Variants in DCPS observed in about 807,000 individuals in gnomAD.
The protein encoded by DCPS is decapping enzyme, scavenger.
Under a neutral mutation model 34.7 loss-of-function variants are expected in DCPS, and 27 were observed. The observed-to-expected ratio is 0.78, with a 90% confidence interval of 0.57 to 1.07. The LOEUF (loss-of-function observed/expected upper bound fraction) is 1.07. Among genes scored for constraint, DCPS ranks in the 50% least tolerant of loss-of-function variants. The pLI is 0.00. For synonymous variants in DCPS, 185 were observed against 185.7 expected (o/e 1.00, Z 0.03); for missense variants, 464 against 436.9 (o/e 1.06, Z -0.55).
intron 2 of DCPS, among the ~76,000 whole-genome samples, chr11:126,317,969 C>T (rs963961846): frequency 2.0e-5 from 3 of 152,208 alleles, no homozygotes; most frequent in Non-Finnish European, 4.4e-5. Flanking sequence ...CCTGCCACCC[C>T]AGGGCTGCAT....
At chr11:126,314,838 T>C (rs571846310) in intron 2 of DCPS, among the ~76,000 whole-genome samples, 1 of 152,086 alleles carries the variant, frequency 6.6e-6, no homozygotes, top group East Asian at 1.9e-4. Flanking sequence ...GAGGAAAGGG[T>C]GGGGAGTGGT....
chr11:126,338,212 C>G lies in DCPS; in HGVS notation c.523-74C>G. ...TCTCCTGGAGAGGCCAGGGAATGCC[C>G]TGAGCTCAGTTTGGGGTATCTCTCA... On this transcript the variant is annotated intron_variant, in intron 3 of 5. Transcript: ENST00000263579. This position sits in a 1 kb window ranked among gnomAD's most constrained non-coding sequence, Gnocchi z 5.4. 20 of 1,436,172 alleles carry G rather than the reference C, an allele frequency of 1.4e-5. No individual in the cohort carries two copies. The highest frequency in any genetic ancestry group is 5.3e-5 in the Admixed American group (3 of 56,136). 89.0% of individuals were successfully genotyped at this position (1,436,172 alleles called of 1,614,324 possible). A position where few individuals can be genotyped will look rare whatever the true frequency, so the allele number is the denominator to read the frequency against.
rs2135322390 is a variant in DCPS at position 126,325,890 on chromosome 11, T to G, written c.377-5515T>G. ...ATCCCAGCACTTTGGGAGGCTGAGG[T>G]GGGCGGATTACGAGATCAGGAAATC... On this transcript the variant is annotated intron_variant, in intron 2 of 5. Transcript: ENST00000263579. This position sits in a 1 kb window ranked among gnomAD's most constrained non-coding sequence, Gnocchi z 4.3. 6.6e-6 allele frequency among the ~76,000 whole-genome samples: 1 copy of G among 151,864 alleles called. No homozygotes were observed. Among genetic ancestry groups the G allele is most frequent in the East Asian group, 1.9e-4 (1 of 5,150 alleles).
In DCPS at chr11:126,344,977, A is replaced by T. The variant is rs1351787562; in HGVS notation, c.748-370A>T. ...ATGACTGATGAAATGCTTCTAAATC[A>T]TGAAAGTCCCCATAGTCTTGGGAAT... is the stretch of plus-strand genomic sequence containing the variant. On this transcript the variant is annotated intron_variant, in intron 5 of 5. Coordinates refer to ENST00000263579, the MANE Select transcript of DCPS (RefSeq NM_014026.6). The surrounding 1 kb of genome is among the most constrained non-coding windows in gnomAD (Gnocchi z 8.1). Among the ~76,000 whole-genome samples the T allele has an allele frequency of 6.6e-6, 1 of 152,198 alleles. No homozygotes were observed. The highest frequency in any genetic ancestry group is 1.5e-5 in the Non-Finnish European group (1 of 68,042).
At chr11:126,305,070 T>A (rs1169383492) in intron 1 of DCPS, among the ~76,000 whole-genome samples, 1 of 152,214 alleles carries the variant, frequency 6.6e-6, no homozygotes, top group Non-Finnish European at 1.5e-5. Context: ...GGCCTAGGCT[T>A]CCATGCCTCT....
intron 2 of DCPS, among the ~76,000 whole-genome samples, chr11:126,307,932 G>T (rs1481507913): frequency 1.3e-5 from 2 of 152,168 alleles, no homozygotes; most frequent in Non-Finnish European, 1.5e-5. Flanking sequence ...GTAGACTGGG[G>T]TCTTGCTCAC....
At position 126,315,333 on chromosome 11, in the gene DCPS, G is replaced by A. The variant is rs1046240707; in HGVS notation, c.376+8589G>A. Among the ~76,000 whole-genome samples the A allele has an allele frequency of 3.9e-5, 6 of 152,106 alleles. No individual in the cohort carries two copies. Among genetic ancestry groups the A allele is most frequent in the Non-Finnish European group, 8.8e-5 (6 of 68,044 alleles). Reference sequence around the variant, plus strand: ...CCAGCACTTTGGGAGGCCGAGGCAGGTGGATCATTTGAGGTCAGGAGTTCG... The same window carrying A: ...CCAGCACTTTGGGAGGCCGAGGCAGATGGATCATTTGAGGTCAGGAGTTCG... On this transcript the variant is annotated intron_variant, in intron 2 of 5. Coordinates refer to ENST00000263579, the MANE Select transcript of DCPS (RefSeq NM_014026.6). The surrounding 1 kb of genome is among the most constrained non-coding windows in gnomAD (Gnocchi z 6.1).
At position 126,331,391 on chromosome 11, in the gene DCPS, C is replaced by T. The variant is rs778512092; in HGVS notation, c.377-14C>T. On this transcript the variant is annotated splice_polypyrimidine_tract_variant and intron_variant, in intron 2 of 5. Transcript: ENST00000263579. The surrounding 1 kb of genome is among the most constrained non-coding windows in gnomAD (Gnocchi z 7.2). ...CATTGCTTCCCTGTCACGGGCTGTG[C>T]TGTATCATTGCAGATGTAAAGACGA... The T allele has an allele frequency of 6.2e-7, 1 of 1,613,612 alleles. No individual in the cohort carries two copies. Among genetic ancestry groups the T allele is most frequent in the Non-Finnish European group, 8.5e-7 (1 of 1,179,806 alleles).
At position 126,320,862 on chromosome 11, in the gene DCPS, C is replaced by T. The variant is rs1951700187; in HGVS notation, c.377-10543C>T. Among the ~76,000 whole-genome samples the T allele has an allele frequency of 6.6e-6, 1 of 152,144 alleles. No homozygotes were observed. Among genetic ancestry groups the T allele is most frequent in the Non-Finnish European group, 1.5e-5 (1 of 68,024 alleles). ...CAGTAACTGGATCTGAGAGATGACACCTTGGCCAGCAGTCCCTCAAGTCTG... is the reference window on the plus strand; with the variant it reads ...CAGTAACTGGATCTGAGAGATGACATCTTGGCCAGCAGTCCCTCAAGTCTG... On this transcript the variant is annotated intron_variant, in intron 2 of 5. Transcript: ENST00000263579. This position sits in a 1 kb window ranked among gnomAD's most constrained non-coding sequence, Gnocchi z 4.7.
At position 126,347,361 on chromosome 11, in the gene DCPS, C is replaced by G. The variant is rs933701945; in HGVS notation, c.*1748C>G. ...GCCTCAGCCTCCTGAGTAGCTGGGACTACAGGGGTGCGCCCCCATGCCCAG... is the reference window on the plus strand; with the variant it reads ...GCCTCAGCCTCCTGAGTAGCTGGGAGTACAGGGGTGCGCCCCCATGCCCAG... On this transcript the variant is annotated 3_prime_UTR_variant, in exon 6 of 6. Transcript: ENST00000263579. The surrounding 1 kb of genome is among the most constrained non-coding windows in gnomAD (Gnocchi z 4.2). Among the ~76,000 whole-genome samples the G allele has an allele frequency of 6.6e-6, 1 of 151,808 alleles. No homozygotes were observed. The highest frequency in any genetic ancestry group is 1.5e-5 in the Non-Finnish European group (1 of 68,002).
At chr11:126,317,926 C>G (rs762837012) in intron 2 of DCPS, among the ~76,000 whole-genome samples, 7 of 152,190 alleles carry the variant, frequency 4.6e-5, no homozygotes, top group Admixed American at 4.6e-4. Context: ...AGTCGCGTTT[C>G]CCACTCTCTA....
In DCPS at chr11:126,309,024, C is replaced by CCTT. The variant is rs1457988895; in HGVS notation, c.376+2280_376+2281insCTT. 7.2e-5 allele frequency among the ~76,000 whole-genome samples: 10 copies of CCTT among 138,404 alleles called. 2 individuals are homozygous for CCTT. The highest frequency in any genetic ancestry group is 6.2e-5 in the Non-Finnish European group (4 of 64,334). 90.8% of individuals were successfully genotyped at this position (138,404 alleles called of 152,430 possible). ...TAGTTCATCTTTTCTTTTCCTGCCC[C>CCTT]TTTTTTTTTTTTTTTTTGAGATGGA... On this transcript the variant is annotated intron_variant, in intron 2 of 5. Coordinates refer to ENST00000263579, the MANE Select transcript of DCPS (RefSeq NM_014026.6).
At chr11:126,343,067 CAAAAAAAAAAA>C (rs34804017) in intron 4 of DCPS, among the ~76,000 whole-genome samples, 2 of 102,248 alleles carry the variant, frequency 2.0e-5, no homozygotes, top group South Asian at 6.5e-4. Flanking sequence ...GAGACTCTGT[CAAAAAAAAAAA>C]AAAAAAAAAG....
At position 126,336,692 on chromosome 11, in the gene DCPS, A is replaced by G. The variant is rs964042187; in HGVS notation, c.523-1594A>G. 1 of 152,218 alleles carries G rather than the reference A, an allele frequency of 6.6e-6. No homozygotes were observed. Among genetic ancestry groups the G allele is most frequent in the Non-Finnish European group, 1.5e-5 (1 of 68,122 alleles). The allele number at this position is 152,218 out of a possible 1,614,324, so 9.4% of individuals were successfully genotyped here. ...ATTTCCGCTGGCTTCCTCTGGCATC[A>G]CATTCCCAGGAGATTTCAGGTCAGA... On this transcript the variant is annotated intron_variant, in intron 3 of 5. Coordinates refer to ENST00000263579, the MANE Select transcript of DCPS (RefSeq NM_014026.6). The surrounding 1 kb of genome is among the most constrained non-coding windows in gnomAD (Gnocchi z 6.3).
In DCPS at chr11:126,344,424, G is replaced by C. The variant is rs1951901011; in HGVS notation, c.748-923G>C. Among the ~76,000 whole-genome samples the C allele has an allele frequency of 6.6e-6, 1 of 152,180 alleles. No homozygotes were observed. The highest frequency in any genetic ancestry group is 1.9e-4 in the East Asian group (1 of 5,194). On this transcript the variant is annotated intron_variant, in intron 5 of 5. Transcript: ENST00000263579. The surrounding 1 kb of genome is among the most constrained non-coding windows in gnomAD (Gnocchi z 8.1). The stretch of plus-strand genomic sequence containing the variant: ...TGGGGAGATGCCAGGCCAACACTTT[G>C]ACCTGCCCTAGCAGCTCAGACAGCT...
intron 2 of DCPS, among the ~76,000 whole-genome samples, chr11:126,324,463 T>G (rs901656239): frequency 7.0e-6 from 1 of 143,884 alleles, no homozygotes; most frequent in African/African-American, 2.5e-5. Context: ...GCCTGTTGAG[T>G]TTTTTTTTTT....
Position 126,345,545 on chromosome 11 carries a change from A to AC in DCPS, c.947dup (p.Leu317AlafsTer8), listed in dbSNP as rs1388093622. 6.2e-7 allele frequency: 1 copy of AC among 1,614,012 alleles called. No homozygotes were observed. The highest frequency in any genetic ancestry group is 1.7e-5 in the Admixed American group (1 of 60,028). ...TGACCCTAGGCACTACCAGCAGCGC[A>AC]CGCTCACCTTCGCCCTCAGGGCTGA... On this transcript the variant is annotated frameshift_variant, in exon 6 of 6. Coordinates refer to ENST00000263579, the MANE Select transcript of DCPS (RefSeq NM_014026.6). LOFTEE classifies it high-confidence loss of function. The surrounding 1 kb of genome is among the most constrained non-coding windows in gnomAD (Gnocchi z 7.4).
Position 126,346,358 on chromosome 11 carries a change from C to T in DCPS, c.*745C>T, listed in dbSNP as rs1951929362. Among the ~76,000 whole-genome samples the T allele has an allele frequency of 6.6e-6, 1 of 152,208 alleles. No homozygotes were observed. The highest frequency in any genetic ancestry group is 2.4e-5 in the African/African-American group (1 of 41,448). On this transcript the variant is annotated 3_prime_UTR_variant, in exon 6 of 6. Coordinates refer to ENST00000263579, the MANE Select transcript of DCPS (RefSeq NM_014026.6). This position sits in a 1 kb window ranked among gnomAD's most constrained non-coding sequence, Gnocchi z 4.1. ...GAAGATCAAGTGCAAAACAGTGAATCAGCAAGGGCAAATGATATGGTTGCA... is the reference window on the plus strand; with the variant it reads ...GAAGATCAAGTGCAAAACAGTGAATTAGCAAGGGCAAATGATATGGTTGCA...
Position 126,306,687 on chromosome 11 carries a change from C to T in DCPS, c.319C>T (p.Gln107Ter). ...LLTGSPELQL[Q>*]FSNDIYSTYH... Reference sequence around the variant, plus strand: ...GACGGGCAGCCCTGAGCTCCAGTTGCAGTTCTCCAATGATATCTACAGCAC... The same window carrying T: ...GACGGGCAGCCCTGAGCTCCAGTTGTAGTTCTCCAATGATATCTACAGCAC... Residue 107 changes from glutamine (Q) to a stop codon, truncating the protein, a stop_gained, in exon 2 of 6, where the codon CAG becomes TAG. Coordinates refer to ENST00000263579, the MANE Select transcript of DCPS (RefSeq NM_014026.6). LOFTEE classifies it high-confidence loss of function. 1 of 1,613,648 alleles carries T rather than the reference C, an allele frequency of 6.2e-7. No homozygotes were observed. Among genetic ancestry groups the T allele is most frequent in the Non-Finnish European group, 8.5e-7 (1 of 1,179,636 alleles).
Sources: gnomAD v4.1 joint callset for allele counts (sites outside exome capture counted in the v4.1 genomes callset) on GRCh38, gnomAD v4.1.1 for gene constraint, Gnocchi (gnomAD v3.1) non-coding constraint, MANE v1.5 for transcripts, NCBI Gene and HGNC (gene_info 2026-07-23, HGNC 2026-07-21) for gene names.